Variants in UGGT2 observed in about 807,000 individuals in gnomAD.
UGGT2 encodes UDP-glucose glycoprotein glucosyltransferase 2.
In UGGT2, 180 loss-of-function variants were observed where a neutral mutation model predicts 192.1. That is an observed-to-expected ratio of 0.94 (90% CI 0.83 to 1.06). The LOEUF (loss-of-function observed/expected upper bound fraction) is 1.06, where lower values mean the gene tolerates loss of function less well. Among genes scored for constraint, UGGT2 ranks in the 50% least tolerant of loss-of-function variants. The pLI, the probability that UGGT2 is intolerant of heterozygous loss-of-function variation, is 0.00. For synonymous variants in UGGT2, 580 were observed against 591.0 expected, an observed-to-expected ratio of 0.98 and a Z score of 0.27; for missense variants, 1,849 against 1,795.7, an observed-to-expected ratio of 1.03 and a Z score of -0.54.
chr13:95,958,599 T>TC (rs1243147614), intron 12 of UGGT2, among the ~76,000 whole-genome samples: 1 of 151,972 alleles, frequency 6.6e-6, no homozygotes, highest in Non-Finnish European at 1.5e-5. Context: ...AAGATCTTTT[T>TC]TTTTTTTTTT....
chr13:96,018,914 G>C (rs2052423715), intron 4 of UGGT2, among the ~76,000 whole-genome samples: 1 of 150,174 alleles, frequency 6.7e-6, no homozygotes, highest in African/African-American at 2.4e-5. Flanking sequence ...GAAAACTAAA[G>C]AAAATCTAGG....
In UGGT2 at chr13:95,887,875, T is replaced by G; in HGVS notation, c.3038+17A>C. 8.0e-6 allele frequency: 12 copies of G among 1,495,698 alleles called. No individual in the cohort carries two copies. The highest frequency in any genetic ancestry group is 1.1e-5 in the Non-Finnish European group (12 of 1,091,878). The allele number at this position is 1,495,698 out of a possible 1,614,324, so 92.7% of individuals were successfully genotyped here. A position where few individuals can be genotyped will look rare whatever the true frequency, so the allele number is the denominator to read the frequency against. ...TTACAAATTTTTCAAAATGAAATTT[T>G]GTTCACTCAGATTTACCTTTCTAAA... On this transcript the variant is annotated intron_variant, in intron 26 of 38. Transcript: ENST00000376747.
intron 32 of UGGT2, 111 bp from the exon 33 acceptor site, chr13:95,859,786 C>A: frequency 1.3e-6 from 1 of 782,216 alleles, no homozygotes; most frequent in Non-Finnish European, 1.9e-6. Flanking sequence ...TTAAATTTTA[C>A]TTTAAGTTCT....
At chr13:95,811,897 A>G (rs965316259) in intron 38 of UGGT2, among the ~76,000 whole-genome samples, 28 of 152,208 alleles carry the variant, frequency 1.8e-4, no homozygotes, top group Admixed American at 1.3e-3. Context: ...ACTGGAGATA[A>G]AACGGAATTT....
chr13:95,899,197 G>A (rs1466915765), intron 22 of UGGT2, among the ~76,000 whole-genome samples: 1 of 152,184 alleles, frequency 6.6e-6, no homozygotes, highest in Non-Finnish European at 1.5e-5. Context: ...ATGGCAGCAC[G>A]TCAGCCTTAC....
intron 38 of UGGT2, among the ~76,000 whole-genome samples, chr13:95,814,002 G>C (rs1884697530): frequency 6.6e-6 from 1 of 152,228 alleles, no homozygotes; most frequent in Non-Finnish European, 1.5e-5. Flanking sequence ...AGTGAATGAG[G>C]CTTGGCAGCC....
At chr13:95,993,417 A>T (rs57610820) in intron 7 of UGGT2, among the ~76,000 whole-genome samples, 3,253 of 152,292 alleles carry the variant, frequency 0.021, 118 homozygotes, top group African/African-American at 0.075. Context: ...AAATTAAATT[A>T]AAATTAAAAT....
At chr13:96,049,037 AAT>A (rs1443567958) in intron 1 of UGGT2, among the ~76,000 whole-genome samples, 6 of 152,222 alleles carry the variant, frequency 3.9e-5, no homozygotes, top group Non-Finnish European at 8.8e-5. Context: ...AAAAAAAGAG[AAT>A]TTTAGACCAA....
chr13:96,020,867 T>C (rs2052493678), intron 4 of UGGT2, among the ~76,000 whole-genome samples: 1 of 152,184 alleles, frequency 6.6e-6, no homozygotes, highest in Non-Finnish European at 1.5e-5. Context: ...AGTTAGCCTT[T>C]TATTCTTTTA....
chr13:95,911,310 G>T (rs527645106), intron 20 of UGGT2, among the ~76,000 whole-genome samples: 3 of 151,902 alleles, frequency 2.0e-5, no homozygotes, highest in Non-Finnish European at 4.4e-5. Context: ...CTGGTTTTTT[G>T]AAAAGAACAA....
intron 5 of UGGT2, among the ~76,000 whole-genome samples, chr13:96,006,623 C>CAAAAAAAAA (rs61256349): frequency 1.1e-5 from 1 of 93,470 alleles, no homozygotes; most frequent in Non-Finnish European, 2.0e-5. Flanking sequence ...GATTCTGCCT[C>CAAAAAAAAA]AAAAAAAAAA....
intron 30 of UGGT2, 131 bp downstream of exon 30, chr13:95,867,208 G>A: frequency 1.3e-6 from 1 of 753,338 alleles, no homozygotes. Context: ...TTTACTGCTG[G>A]AGTTCAAATA....
intron 33 of UGGT2, among the ~76,000 whole-genome samples, chr13:95,857,999 GTT>G (rs71113957): frequency 4.9e-4 from 68 of 139,728 alleles, no homozygotes; most frequent in East Asian, 4.1e-3. Flanking sequence ...TTCTTTTTCT[GTT>G]TTTTTTTTTT....
intron 7 of UGGT2, chr13:95,990,831 C>G (rs901831107): frequency 6.6e-6 from 1 of 152,204 alleles, no homozygotes; most frequent in Admixed American, 6.5e-5. Context: ...CCCATCAACC[C>G]GTTATCCACA....
rs1566635245 is a variant in UGGT2, at chr13:95,884,613, C to G, written c.3106G>C (p.Val1036Leu). Residue 1036 changes from valine to leucine, a missense_variant, in exon 27 of 39, where the codon GTG becomes CTG. Physicochemically the swap from Val to Leu is conservative, Grantham distance 32. Transcript: ENST00000376747. Reference sequence around the variant, plus strand: ...TCAGGAATATCCAAAAATTTTGCCACTGGTCCAAGAGAAGAAACGTCATTA... The same window carrying G: ...TCAGGAATATCCAAAAATTTTGCCAGTGGTCCAAGAGAAGAAACGTCATTA... ...GANDVSSLGP[V>L]AKFLDIPESP... 2 of 1,613,938 alleles carry G rather than the reference C, an allele frequency of 1.2e-6. No homozygotes were observed. Among genetic ancestry groups the G allele is most frequent in the East Asian group, 4.5e-5 (2 of 44,842 alleles).
In UGGT2 at chr13:95,895,267, T is replaced by C. The variant is rs1156509023; in HGVS notation, c.2672A>G (p.Asp891Gly). ...TGTTATCTTTTCCAACAAGTAAAAA[T>C]CTTCTGCATAAAAATCTTCATCTAA... The part of the protein sequence containing the change: ...GPLDEDFYAE[D>G]FYLLEKITFS... Residue 891 changes from aspartate to glycine, a missense_variant, in exon 23 of 39, where the codon GAT becomes GGT. Transcript: ENST00000376747. 2 of 1,541,968 alleles carry C rather than the reference T, an allele frequency of 1.3e-6. No individual in the cohort carries two copies. The highest frequency in any genetic ancestry group is 2.0e-5 in the Admixed American group (1 of 50,162).
chr13:95,988,031 A>G (rs1304885508), intron 8 of UGGT2, among the ~76,000 whole-genome samples: 2 of 152,092 alleles, frequency 1.3e-5, no homozygotes, highest in East Asian at 3.9e-4. Flanking sequence ...CACAGAGGAC[A>G]GTCCCTCGGG....
intron 1 of UGGT2, among the ~76,000 whole-genome samples, chr13:96,050,462 A>G (rs1288898861): frequency 1.3e-5 from 2 of 152,230 alleles, no homozygotes; most frequent in Non-Finnish European, 2.9e-5. Flanking sequence ...ATGGCAACAA[A>G]AGCCAAAACT....
chr13:96,026,760 T>C (rs1219753535), intron 2 of UGGT2, among the ~76,000 whole-genome samples: 2 of 150,646 alleles, frequency 1.3e-5, no homozygotes, highest in African/African-American at 2.4e-5. Context: ...CAAGCTCCGC[T>C]TCCCAGGTTC....
Sources: allele counts gnomAD v4.1 joint callset (sites outside exome capture counted in the v4.1 genomes callset), GRCh38; gene constraint gnomAD v4.1.1; transcripts MANE v1.5; gene names NCBI Gene and HGNC (gene_info 2026-07-23, HGNC 2026-07-21).